GPHN: variants seen among roughly 807,000 people sequenced by gnomAD.
The protein encoded by GPHN is gephyrin.
GPHN carries 17 observed loss-of-function variants against 95.5 expected under a neutral mutation model. The ratio of observed to expected loss-of-function variants is 0.18; its 90% CI spans 0.12 to 0.27. The LOEUF is 0.27. Among genes scored for constraint, GPHN ranks in the 10% least tolerant of loss-of-function variants. The pLI, the probability that GPHN is intolerant of heterozygous loss-of-function variation, is 1.00. For synonymous variants in GPHN, 320 were observed against 322.5 expected (o/e 0.99, Z 0.08); for missense variants, 660 against 978.1 (o/e 0.67, Z 4.34).
chr14:67,245,184 T>C, the GPHN span, among the ~76,000 whole-genome samples: 1 of 152,328 alleles, frequency 6.6e-6, no homozygotes, highest in Non-Finnish European at 1.5e-5. Flanking sequence ...AGCCACTAAA[T>C]TTGTGGCAAT....
the GPHN span, among the ~76,000 whole-genome samples, chr14:67,288,594 C>T: frequency 1.3e-5 from 2 of 152,202 alleles, no homozygotes; most frequent in Admixed American, 6.5e-5. Context: ...CAAAGCTTAA[C>T]TGCTTTGTTG....
Position 66,832,702 on chromosome 14 carries a change from C to T in GPHN, c.294+8136C>T, listed in dbSNP as rs139448206. On this transcript the variant is annotated intron_variant, in intron 4 of 22. Coordinates refer to ENST00000478722, the MANE Select transcript of GPHN (RefSeq NM_020806.5). ...ATGAAGCACCTTGGACTTTATCAAA[C>T]CTAAAGCTAAAGTACATATACTCCT... 2.0e-4 allele frequency among the ~76,000 whole-genome samples: 30 copies of T among 151,842 alleles called. 1 individual carries two copies. In the East Asian group the frequency reaches 5.8e-3, roughly 29 times the overall value.
intron 3 of GPHN, 36 bp downstream of exon 3, chr14:66,776,557 A>G: frequency 1.6e-6 from 2 of 1,221,902 alleles, no homozygotes; most frequent in South Asian, 1.2e-5. Flanking sequence ...ACAAACATTT[A>G]GCATCTTGGT....
intron 21 of GPHN, 124 bp downstream of exon 21, chr14:67,169,160 A>C: frequency 1.4e-6 from 1 of 722,572 alleles, no homozygotes; most frequent in South Asian, 1.5e-5. Flanking sequence ...ATGTGATTAT[A>C]TTCTCCCCCT....
chr14:67,450,181 T>C, the GPHN span: 1 of 152,860 alleles, frequency 6.5e-6, no homozygotes, highest in Non-Finnish European at 1.5e-5. Context: ...GCCATGATTG[T>C]GAGGCGTTCC....
intron 2 of GPHN, among the ~76,000 whole-genome samples, 190 bp downstream of exon 2, chr14:66,681,375 C>T (rs898111047): frequency 6.6e-6 from 1 of 152,060 alleles, no homozygotes; most frequent in Admixed American, 6.5e-5. Flanking sequence ...GGAATGATGT[C>T]ATGATTAATG....
At position 67,032,939 on chromosome 14, in the gene GPHN, A is replaced by T. The variant is rs146689248; in HGVS notation, c.1006+9264A>T. On this transcript the variant is annotated intron_variant, in intron 10 of 22. Transcript: ENST00000478722. ...AGAAACCAACCTCAAAGAAACAGAG[A>T]TTTATGATTACCTGGCAAATAATTC... Among the ~76,000 whole-genome samples, 85 of 152,318 alleles carry T rather than the reference A, an allele frequency of 5.6e-4. 3 individuals carry two copies. Among genetic ancestry groups the T allele is most frequent in the African/African-American group, 2.0e-3 (83 of 41,566 alleles).
intron 8 of GPHN, among the ~76,000 whole-genome samples, chr14:66,958,892 T>C (rs939649918): frequency 2.0e-5 from 3 of 152,144 alleles, no homozygotes; most frequent in African/African-American, 7.2e-5. Context: ...TATAATATCA[T>C]TTTTGTTTTT....
chr14:67,447,680 A>T, the GPHN span: 1 of 152,216 alleles, frequency 6.6e-6, no homozygotes, highest in Non-Finnish European at 1.5e-5. Context: ...GTGGCAAAAA[A>T]ATGGCTATGG....
the GPHN span, chr14:67,473,994 T>C: frequency 1.3e-6 from 2 of 1,484,504 alleles, no homozygotes; most frequent in East Asian, 2.4e-5. The surrounding 1 kb of genome is among the most constrained non-coding windows in gnomAD (Gnocchi z 6.5). Context: ...GGCTCACGCC[T>C]ATAATCCCTG....
chr14:66,796,521 T>C (rs1294268254), intron 3 of GPHN, among the ~76,000 whole-genome samples: 1 of 152,138 alleles, frequency 6.6e-6, no homozygotes, highest in African/African-American at 2.4e-5. Flanking sequence ...GCATTTCTTA[T>C]TGCCTGTCCT....
chr14:67,711,740 T>C, the GPHN span, among the ~76,000 whole-genome samples: 9 of 152,332 alleles, frequency 5.9e-5, no homozygotes, highest in South Asian at 1.7e-3. Flanking sequence ...CCTTAAATTT[T>C]CATATTAAAG....
chr14:66,605,231 G>A (rs2062465828), intron 1 of GPHN, among the ~76,000 whole-genome samples: 1 of 151,936 alleles, frequency 6.6e-6, no homozygotes, highest in African/African-American at 2.4e-5. Context: ...TGGGATGGCT[G>A]GGTCAAACAG....
the GPHN span, among the ~76,000 whole-genome samples, chr14:67,629,835 T>G: frequency 2.0e-5 from 3 of 152,252 alleles, no homozygotes; most frequent in Admixed American, 6.5e-5. Context: ...ACAGAAAACC[T>G]TTCTAAGGAT....
chr14:67,304,313 GAA>G, the GPHN span, among the ~76,000 whole-genome samples: 1 of 152,146 alleles, frequency 6.6e-6, no homozygotes, highest in African/African-American at 2.4e-5. Flanking sequence ...CAAAAGGACT[GAA>G]AACATATATT....
the GPHN span, among the ~76,000 whole-genome samples, chr14:67,568,557 AT>A: frequency 6.6e-6 from 1 of 152,190 alleles, no homozygotes; most frequent in Non-Finnish European, 1.5e-5. Flanking sequence ...GTTTACCTAC[AT>A]AAAAACCTGC....
the GPHN span, among the ~76,000 whole-genome samples, chr14:67,267,994 G>A: frequency 6.6e-6 from 1 of 152,140 alleles, no homozygotes; most frequent in Non-Finnish European, 1.5e-5. Context: ...GAAGGATAGT[G>A]TGTGGTTTTA....
At chr14:67,024,239 T>C (rs149521426) in intron 10 of GPHN, among the ~76,000 whole-genome samples, 1 of 152,220 alleles carries the variant, frequency 6.6e-6, no homozygotes, top group Non-Finnish European at 1.5e-5. Context: ...TTCATTTTTC[T>C]GTCTTATAAA....
chr14:67,068,250 T>G (rs1264519974), intron 11 of GPHN, among the ~76,000 whole-genome samples: 1 of 152,246 alleles, frequency 6.6e-6, no homozygotes, highest in Non-Finnish European at 1.5e-5. Flanking sequence ...TAGACGTGTT[T>G]GCATGTATAA....
Sources: allele counts gnomAD v4.1 joint callset (sites outside exome capture counted in the v4.1 genomes callset), GRCh38; gene constraint gnomAD v4.1.1; non-coding constraint Gnocchi (gnomAD v3.1); transcripts MANE v1.5; gene names NCBI Gene and HGNC (gene_info 2026-07-23, HGNC 2026-07-21).